C2orf76: variants seen among roughly 807,000 people sequenced by gnomAD.
C2orf76 encodes chromosome 2 open reading frame 76.
A neutral mutation model predicts 16.9 loss-of-function variants in C2orf76; 23 were observed. The observed-to-expected ratio is 1.36, with a 90% CI of 0.98 to 1.93. The LOEUF is 1.93. Among genes scored for constraint, C2orf76 ranks in the 30% most tolerant of loss-of-function variants. The probability of loss-of-function intolerance (pLI) is 0.00; values close to 1 mark genes in which losing one functional copy is unlikely to be tolerated. For missense variants in C2orf76, 152 were observed against 152.6 expected, an observed-to-expected ratio of 1.00 and a Z score of 0.02; for synonymous variants, 48 against 52.3, an observed-to-expected ratio of 0.92 and a Z score of 0.35.
At chr2:119,338,894 G>A (rs765640430) in intron 2 of C2orf76, 1 of 152,176 alleles carries the variant, frequency 6.6e-6, no homozygotes, top group Non-Finnish European at 1.5e-5. Flanking sequence ...CTTACATAGG[G>A]AATAGTAGAT....
the C2orf76 span, among the ~76,000 whole-genome samples, chr2:119,293,868 C>T: frequency 6.6e-6 from 1 of 152,088 alleles, no homozygotes; most frequent in East Asian, 1.9e-4. Context: ...CATGGTCCAC[C>T]CTCAGGGAGA....
At chr2:119,357,949 G>C (rs1242819865) in intron 1 of C2orf76, among the ~76,000 whole-genome samples, 1 of 152,040 alleles carries the variant, frequency 6.6e-6, no homozygotes, top group Admixed American at 6.6e-5. Context: ...TGAACACATG[G>C]AACACAATAT....
chr2:119,321,238 G>C, intron 2 of C2orf76, 34 bp from the exon 3 acceptor site: 1 of 1,122,068 alleles, frequency 8.9e-7, no homozygotes, highest in Admixed American at 2.2e-5. Flanking sequence ...TACACAATAA[G>C]CAAATAGACA....
At chr2:119,337,158 C>T (rs868291805) in intron 2 of C2orf76, among the ~76,000 whole-genome samples, 1 of 151,824 alleles carries the variant, frequency 6.6e-6, no homozygotes, top group Admixed American at 6.6e-5. Flanking sequence ...TGGGCTCAAG[C>T]GATCTTCCCA....
At chr2:119,341,429 C>T (rs1221408188) in intron 1 of C2orf76, among the ~76,000 whole-genome samples, 1 of 152,182 alleles carries the variant, frequency 6.6e-6, no homozygotes, top group African/African-American at 2.4e-5. Context: ...GTAAGATCAT[C>T]TCATACAGAA....
intron 1 of C2orf76, among the ~76,000 whole-genome samples, chr2:119,358,211 C>A (rs944041541): frequency 2.0e-5 from 3 of 152,170 alleles, no homozygotes; most frequent in Non-Finnish European, 4.4e-5. Context: ...AGGCCCCTTG[C>A]ACCAAACAGC....
At chr2:119,304,649 T>A (rs551958635) in intron 5 of C2orf76, among the ~76,000 whole-genome samples, 19 of 152,276 alleles carry the variant, frequency 1.2e-4, no homozygotes, top group African/African-American at 2.9e-4. Context: ...ATTTAAAAAA[T>A]TTTTCACCCT....
At chr2:119,315,067 A>G (rs887395958) in intron 4 of C2orf76, among the ~76,000 whole-genome samples, 2 of 152,166 alleles carry the variant, frequency 1.3e-5, no homozygotes, top group Non-Finnish European at 2.9e-5. Context: ...CATTTCTTAT[A>G]AAGTTTGTTC....
chr2:119,335,026 T>C (rs556143160), intron 2 of C2orf76, among the ~76,000 whole-genome samples: 1 of 152,250 alleles, frequency 6.6e-6, no homozygotes, highest in East Asian at 1.9e-4. Flanking sequence ...ACTGTTGGTA[T>C]GGGAATTAAC....
upstream of C2orf76, chr2:119,366,878 TG>T: frequency 3.7e-6 from 3 of 820,764 alleles, no homozygotes; most frequent in African/African-American, 1.8e-5. Context: ...CGGCGGGGGC[TG>T]GGCACGCCCC....
At chr2:119,292,910 C>G in the C2orf76 span, among the ~76,000 whole-genome samples, 1 of 150,676 alleles carries the variant, frequency 6.6e-6, no homozygotes, top group Non-Finnish European at 1.5e-5. Context: ...TGGCATGCGC[C>G]TGTAGTCCCA....
intron 1 of C2orf76, among the ~76,000 whole-genome samples, chr2:119,362,107 CAA>C (rs959653428): frequency 2.6e-5 from 4 of 152,150 alleles, no homozygotes; most frequent in African/African-American, 7.2e-5. Flanking sequence ...GTGAAGATGA[CAA>C]GTCTGAAGAC....
At chr2:119,363,199 C>T (rs527346077) in intron 1 of C2orf76, among the ~76,000 whole-genome samples, 224 of 152,142 alleles carry the variant, frequency 1.5e-3, no homozygotes, top group African/African-American at 4.8e-3. Flanking sequence ...CCGAGACGGG[C>T]GGATCACGAG....
chr2:119,327,766 T>A (rs992518238), intron 2 of C2orf76, among the ~76,000 whole-genome samples: 1 of 151,978 alleles, frequency 6.6e-6, no homozygotes, highest in Non-Finnish European at 1.5e-5. Flanking sequence ...GAACCGAGAG[T>A]CAAATAAATC....
At chr2:119,344,109 C>T (rs998947082) in intron 1 of C2orf76, among the ~76,000 whole-genome samples, 2 of 152,186 alleles carry the variant, frequency 1.3e-5, no homozygotes, top group Non-Finnish European at 2.9e-5. Context: ...CCATTTAAAA[C>T]CCCAAAATTT....
intron 5 of C2orf76, among the ~76,000 whole-genome samples, chr2:119,308,692 A>T (rs77098496): frequency 0.052 from 7,902 of 152,242 alleles, 697 homozygotes; most frequent in African/African-American, 0.18. Context: ...ATCACACAGT[A>T]TGTTCTATTT....
rs528980534 is a variant in C2orf76, at chr2:119,314,340, T to C, written c.223-2637A>G. Among the ~76,000 whole-genome samples, 442 of 152,284 alleles carry C rather than the reference T, an allele frequency of 2.9e-3. 1 individual carries two copies. Among genetic ancestry groups the C allele is most frequent in the Non-Finnish European group, 4.5e-3 (303 of 68,014 alleles). On this transcript the variant is annotated intron_variant, in intron 4 of 5. Transcript: ENST00000334816. ...TGTTCCATCTGTTTCATCTCTATCC[T>C]CATCTATGGGTTTAATTTTTTAATC...
intron 4 of C2orf76, among the ~76,000 whole-genome samples, chr2:119,314,244 A>G (rs1679093650): frequency 6.6e-6 from 1 of 152,038 alleles, no homozygotes; most frequent in African/African-American, 2.4e-5. Context: ...CAAATATACA[A>G]TAGATACAGA....
chr2:119,322,487 C>G (rs1452328293), intron 2 of C2orf76, among the ~76,000 whole-genome samples: 1 of 152,142 alleles, frequency 6.6e-6, no homozygotes, highest in Admixed American at 6.6e-5. Context: ...GGATTACAGG[C>G]ATGAGCTACT....
Sources: allele counts gnomAD v4.1 joint callset (sites outside exome capture counted in the v4.1 genomes callset), GRCh38; gene constraint gnomAD v4.1.1; transcripts MANE v1.5; gene names NCBI Gene and HGNC (gene_info 2026-07-23, HGNC 2026-07-21).